MAPRE2: variants seen among roughly 807,000 people sequenced by gnomAD.
The protein encoded by MAPRE2 is microtubule-associated protein RP/EB family member 2.
MAPRE2 carries 13 observed loss-of-function variants against 43.2 expected under a neutral mutation model. The ratio of observed to expected loss-of-function variants is 0.30; its 90% CI spans 0.20 to 0.48. MAPRE2 has a LOEUF of 0.48. Ranked by LOEUF, MAPRE2 falls within the 20% of genes least tolerant of loss-of-function variation. The pLI, the probability that MAPRE2 is intolerant of heterozygous loss-of-function variation, is 0.99. For missense variants in MAPRE2, 161 were observed against 400.2 expected (o/e 0.40, Z 5.10); for synonymous variants, 135 against 148.8 (o/e 0.91, Z 0.68).
At chr18:35,106,604 T>G (rs1908919329) in intron 4 of MAPRE2, among the ~76,000 whole-genome samples, 1 of 152,176 alleles carries the variant, frequency 6.6e-6, no homozygotes, top group African/African-American at 2.4e-5. Context: ...TCCTGTTTTT[T>G]TAAGAACATG....
chr18:35,058,397 G>A (rs181645861), intron 1 of MAPRE2, among the ~76,000 whole-genome samples: 14 of 152,236 alleles, frequency 9.2e-5, no homozygotes, highest in Middle Eastern at 3.4e-3. Flanking sequence ...AGAATACTGA[G>A]AGGCTTGTCT....
intron 2 of MAPRE2, among the ~76,000 whole-genome samples, chr18:35,084,329 T>C (rs1172142753): frequency 1.3e-5 from 2 of 152,232 alleles, no homozygotes; most frequent in Non-Finnish European, 2.9e-5. Flanking sequence ...TCTTGGTTCT[T>C]GTTGAAAGCA....
At chr18:35,115,517 G>A (rs114472180) in intron 4 of MAPRE2, among the ~76,000 whole-genome samples, 1,886 of 151,932 alleles carry the variant, frequency 0.012, 44 homozygotes, top group African/African-American at 0.043. Context: ...CCCACACTCA[G>A]CCCCCAACCT....
chr18:34,989,404 C>T (rs997492210), intron 1 of MAPRE2, among the ~76,000 whole-genome samples: 6 of 152,084 alleles, frequency 3.9e-5, no homozygotes, highest in Admixed American at 6.6e-5. Flanking sequence ...GTCTCAGGTT[C>T]TTGGTATGCA....
At chr18:35,034,549 G>T (rs2097049477) in intron 2 of MAPRE2, among the ~76,000 whole-genome samples, 1 of 151,882 alleles carries the variant, frequency 6.6e-6, no homozygotes, top group Non-Finnish European at 1.5e-5. Context: ...CACAGCAAAA[G>T]AAACTAGCAT....
chr18:35,074,453 G>C (rs964611160), intron 2 of MAPRE2, among the ~76,000 whole-genome samples: 1 of 152,160 alleles, frequency 6.6e-6, no homozygotes, highest in Admixed American at 6.5e-5. Context: ...GGGACTTAGA[G>C]GGGAAGAAAA....
chr18:34,980,951 G>C (rs964600137), intron 1 of MAPRE2, among the ~76,000 whole-genome samples: 4 of 152,060 alleles, frequency 2.6e-5, no homozygotes, highest in Non-Finnish European at 4.4e-5. Context: ...GATGTATTTT[G>C]TGATAAGTAC....
intron 4 of MAPRE2, among the ~76,000 whole-genome samples, chr18:35,121,251 A>T (rs1909653204): frequency 6.6e-6 from 1 of 152,214 alleles, no homozygotes; most frequent in East Asian, 1.9e-4. Flanking sequence ...CTAGTTATTG[A>T]CATTAGACAC....
chr18:34,984,856 AT>A (rs71166037), intron 1 of MAPRE2, among the ~76,000 whole-genome samples: 1 of 116,652 alleles, frequency 8.6e-6, no homozygotes, highest in African/African-American at 3.3e-5. Context: ...TATATAACAT[AT>A]AAAATATATA....
chr18:35,043,583 C>G (rs995825036), intron 1 of MAPRE2, among the ~76,000 whole-genome samples: 9 of 152,152 alleles, frequency 5.9e-5, no homozygotes, highest in Admixed American at 1.3e-4. Context: ...CTTTCTGAGT[C>G]CCTATAATGG....
intron 1 of MAPRE2, among the ~76,000 whole-genome samples, chr18:34,999,182 A>T (rs1388602224): frequency 6.6e-6 from 1 of 152,216 alleles, no homozygotes; most frequent in Non-Finnish European, 1.5e-5. Context: ...AATTGCACAC[A>T]TGAGGAGAGG....
chr18:35,130,349 G>A (rs1418898598), intron 5 of MAPRE2, among the ~76,000 whole-genome samples: 6 of 152,224 alleles, frequency 3.9e-5, no homozygotes, highest in Non-Finnish European at 1.5e-5. Context: ...AAATGTGCAA[G>A]CTATAGTATT....
At chr18:35,024,992 G>A (rs273342) in intron 2 of MAPRE2, among the ~76,000 whole-genome samples, 85,730 of 151,994 alleles carry the variant, frequency 0.56, 25,094 homozygotes, top group East Asian at 0.71. Flanking sequence ...TTATTCTGAA[G>A]TCTTTTTAGT....
chr18:35,074,059 T>C (rs960382199), intron 2 of MAPRE2, among the ~76,000 whole-genome samples: 1 of 152,178 alleles, frequency 6.6e-6, no homozygotes, highest in Non-Finnish European at 1.5e-5. Flanking sequence ...AAGTTTCAAG[T>C]AAAAGGTGAG....
intron 2 of MAPRE2, among the ~76,000 whole-genome samples, chr18:35,022,949 G>T (rs747672030): frequency 1.3e-5 from 2 of 152,022 alleles, no homozygotes; most frequent in East Asian, 3.9e-4. Flanking sequence ...TCAGAGGGGA[G>T]GTGAGAAGTA....
intron 2 of MAPRE2, among the ~76,000 whole-genome samples, chr18:35,010,297 T>C (rs755954634): frequency 1.3e-5 from 2 of 152,164 alleles, no homozygotes; most frequent in Non-Finnish European, 2.9e-5. Flanking sequence ...TTGCAGCTAT[T>C]CAGGAGGCTG....
chr18:35,139,731 C>G (rs1221082605), intron 6 of MAPRE2, among the ~76,000 whole-genome samples: 1 of 152,170 alleles, frequency 6.6e-6, no homozygotes, highest in African/African-American at 2.4e-5. Flanking sequence ...CACTGCTGCT[C>G]TGGTATCTAA....
intron 2 of MAPRE2, among the ~76,000 whole-genome samples, chr18:35,032,696 T>C (rs1161306815): frequency 6.6e-6 from 1 of 152,292 alleles, no homozygotes; most frequent in South Asian, 2.1e-4. Context: ...TTTGTTTTTT[T>C]GTTTATTTTT....
rs538208842 is a variant in MAPRE2, at chr18:35,100,269, A to G, written c.397-1677A>G. Among the ~76,000 whole-genome samples the G allele has an allele frequency of 2.6e-5, 4 of 152,374 alleles. No individual in the cohort carries two copies. In the South Asian group the frequency reaches 6.2e-4, roughly 24 times the overall value. Reference sequence around the variant, plus strand: ...ATACCTTTCCATTTTCTTTAAAAAAACAGCAAATTACACCAGTGAGAATGG... The same window carrying G: ...ATACCTTTCCATTTTCTTTAAAAAAGCAGCAAATTACACCAGTGAGAATGG... On this transcript the variant is annotated intron_variant, in intron 3 of 6. Coordinates refer to ENST00000300249, the MANE Select transcript of MAPRE2 (RefSeq NM_014268.4).
Sources: gnomAD v4.1 joint callset for allele counts (sites outside exome capture counted in the v4.1 genomes callset) on GRCh38, gnomAD v4.1.1 for gene constraint, MANE v1.5 for transcripts, NCBI Gene and HGNC (gene_info 2026-07-23, HGNC 2026-07-21) for gene names.